The following RAP1GAP2 variants were observed in gnomAD, a reference collection of about 807,000 sequenced individuals.
RAP1GAP2 encodes rap1 GTPase-activating protein 2.
In RAP1GAP2, 27 loss-of-function variants were observed where a neutral mutation model predicts 95.0. The ratio of observed to expected loss-of-function variants is 0.28; its 90% CI spans 0.21 to 0.39. The LOEUF is 0.39. Among genes scored for constraint, RAP1GAP2 ranks in the 10% least tolerant of loss-of-function variants. The pLI is 1.00. For missense variants in RAP1GAP2, 771 were observed against 970.0 expected (o/e 0.79, Z 2.72); for synonymous variants, 373 against 380.9 (o/e 0.98, Z 0.24).
In RAP1GAP2 at chr17:2,985,021, C is replaced by G. The variant is rs753305370; in HGVS notation, c.768C>G (p.Val256=). Residue 256 remains valine, a synonymous_variant, in exon 11 of 25, where the codon GTC becomes GTG. Transcript: ENST00000254695. ...QMIVSYDEHE[V]NNTFKFGVIY... is the part of the protein sequence containing the mutation. ...TTGTGTCCTATGATGAGCATGAAGT[C>G]AACAACACATTCAAATTCGGAGTCA... 6.2e-7 allele frequency: 1 copy of G among 1,613,734 alleles called. No individual in the cohort carries two copies. The highest frequency in any genetic ancestry group is 1.7e-5 in the Admixed American group (1 of 59,950).
chr17:2,806,196 C>T (rs1244974627), intron 2 of RAP1GAP2, among the ~76,000 whole-genome samples: 1 of 152,050 alleles, frequency 6.6e-6, no homozygotes, highest in Admixed American at 6.6e-5. Context: ...TCAGATTTAA[C>T]CAGCTAAGAA....
intron 2 of RAP1GAP2, among the ~76,000 whole-genome samples, chr17:2,858,290 A>G (rs117014936): frequency 0.034 from 5,138 of 152,204 alleles, 122 homozygotes; most frequent in Middle Eastern, 0.048. Context: ...CATTTAGCAA[A>G]TTCTGGCAGG....
chr17:2,781,095 C>G (rs535675577), intron 1 of RAP1GAP2, among the ~76,000 whole-genome samples: 2 of 152,350 alleles, frequency 1.3e-5, no homozygotes, highest in East Asian at 3.9e-4. Context: ...CTGTGCCGAG[C>G]CCCTGGCCCC....
chr17:3,002,547 G>C (rs931440152), intron 14 of RAP1GAP2, among the ~76,000 whole-genome samples: 1 of 152,206 alleles, frequency 6.6e-6, no homozygotes, highest in African/African-American at 2.4e-5. Context: ...AGGGGGCCTG[G>C]GTGAAGCAGG....
Position 3,003,863 on chromosome 17 carries a change from C to T in RAP1GAP2, c.1201-1506C>T, listed in dbSNP as rs532449993. ...ACAATGAGGATGGAAGGTGAACGCA[C>T]GTCGCAAGGAAGGGCCCTGTCCTCC... On this transcript the variant is annotated intron_variant, in intron 14 of 24. Coordinates refer to ENST00000254695, the MANE Select transcript of RAP1GAP2 (RefSeq NM_015085.5). The surrounding 1 kb of genome is among the most constrained non-coding windows in gnomAD (Gnocchi z 4.1). Among the ~76,000 whole-genome samples, 3 of 152,180 alleles carry T rather than the reference C, an allele frequency of 2.0e-5. No individual in the cohort carries two copies. The highest frequency in any genetic ancestry group is 4.8e-5 in the African/African-American group (2 of 41,442).
In RAP1GAP2 at chr17:3,028,643, G is replaced by A. The variant is rs117360549; in HGVS notation, c.2107+1573G>A. ...CCACAGCCAGTGACCCTTTGCATGC[G>A]TGTTTCTCAGTGAGTGGAAGAGTTC... On this transcript the variant is annotated intron_variant, in intron 22 of 24. Coordinates refer to ENST00000254695, the MANE Select transcript of RAP1GAP2 (RefSeq NM_015085.5). 1.6e-3 allele frequency among the ~76,000 whole-genome samples: 245 copies of A among 152,276 alleles called. 4 individuals carry two copies. The highest frequency in any genetic ancestry group is 0.015 in the South Asian group (74 of 4,828).
chr17:3,017,931 GTGTGTGTGTGTGTGTGTA>G (rs2046826110), intron 17 of RAP1GAP2, 112 bp from the exon 18 acceptor site: 1 of 788,296 alleles, frequency 1.3e-6, no homozygotes, highest in South Asian at 1.9e-5. Context: ...GTGTGTGTGT[GTGTGTGTGTGTGTGTGTA>G]TGTGTGCACG....
intron 2 of RAP1GAP2, among the ~76,000 whole-genome samples, chr17:2,823,033 C>T (rs1252608901): frequency 6.6e-6 from 1 of 152,150 alleles, no homozygotes; most frequent in Non-Finnish European, 1.5e-5. Context: ...TGGGGTGAGG[C>T]ACAGCCCTGT....
At chr17:3,013,733 G>A (rs1181797861) in intron 17 of RAP1GAP2, among the ~76,000 whole-genome samples, 1 of 140,778 alleles carries the variant, frequency 7.1e-6, no homozygotes, top group Admixed American at 7.7e-5. Flanking sequence ...ACCTGGACCA[G>A]TTTTTAATAT....
At chr17:2,836,072 T>A (rs1416178265) in intron 2 of RAP1GAP2, among the ~76,000 whole-genome samples, 1 of 152,008 alleles carries the variant, frequency 6.6e-6, no homozygotes, top group Admixed American at 6.6e-5. Context: ...AGGAGGTAGG[T>A]CCAGGGGCTT....
At chr17:2,849,745 G>A (rs1414496106) in intron 2 of RAP1GAP2, among the ~76,000 whole-genome samples, 7 of 152,300 alleles carry the variant, frequency 4.6e-5, no homozygotes, top group South Asian at 2.1e-4. Context: ...CTGGGACGCC[G>A]TGGGGCATAA....
intron 2 of RAP1GAP2, among the ~76,000 whole-genome samples, chr17:2,833,676 C>T (rs1469293852): frequency 5.6e-5 from 7 of 125,316 alleles, no homozygotes; most frequent in South Asian, 2.4e-4. Context: ...GGAGACACAG[C>T]GAGACTCCGT....
chr17:2,970,312 C>G (rs2044812540), intron 8 of RAP1GAP2, among the ~76,000 whole-genome samples: 1 of 150,722 alleles, frequency 6.6e-6, no homozygotes. Context: ...ATAATACGTC[C>G]CTTGTTAATG....
intron 2 of RAP1GAP2, among the ~76,000 whole-genome samples, chr17:2,801,195 C>T (rs1331578596): frequency 1.3e-5 from 2 of 150,686 alleles, no homozygotes; most frequent in African/African-American, 4.9e-5. Flanking sequence ...ATATATTGGG[C>T]TGGGCATGGT....
chr17:2,965,703 G>T lies in RAP1GAP2; in HGVS notation c.596+60G>T. The T allele has an allele frequency of 7.8e-7, 1 of 1,287,666 alleles. No homozygotes were observed. 79.8% of individuals were successfully genotyped at this position (1,287,666 alleles called of 1,614,324 possible). On this transcript the variant is annotated intron_variant, in intron 8 of 24. Coordinates refer to ENST00000254695, the MANE Select transcript of RAP1GAP2 (RefSeq NM_015085.5). This position sits in a 1 kb window ranked among gnomAD's most constrained non-coding sequence, Gnocchi z 4.7. ...TCCAGGCAGGGCTCTCATCGGTGGT[G>T]TGGGGGCTGGGATGGGACTCAGAAA...
intron 2 of RAP1GAP2, among the ~76,000 whole-genome samples, chr17:2,864,857 T>C (rs1055530707): frequency 6.6e-6 from 1 of 152,170 alleles, no homozygotes; most frequent in Admixed American, 6.5e-5. Flanking sequence ...ACAGAAGTTA[T>C]GGGAGGCTGC....
At chr17:2,936,043 C>T (rs988148535) in intron 3 of RAP1GAP2, among the ~76,000 whole-genome samples, 11 of 151,804 alleles carry the variant, frequency 7.2e-5, no homozygotes, top group African/African-American at 1.7e-4. Context: ...GGGAGATGTG[C>T]GCAGACCGCC....
intron 3 of RAP1GAP2, among the ~76,000 whole-genome samples, chr17:2,914,085 A>C (rs555287015): frequency 1.3e-5 from 2 of 151,876 alleles, no homozygotes; most frequent in East Asian, 3.9e-4. Context: ...GTTGGCCAGG[A>C]TGGTCTCGAA....
chr17:2,827,909 G>A lies in RAP1GAP2; in HGVS notation c.80+27359G>A, dbSNP rs554461676. On this transcript the variant is annotated intron_variant, in intron 2 of 24. Transcript: ENST00000254695. The surrounding 1 kb of genome is among the most constrained non-coding windows in gnomAD (Gnocchi z 4.1). ...ACGGTGGGGGCCCAGGGGGAGCGTG[G>A]CAGAGGCTCTCAGGCTGGAGGCCAG... Among the ~76,000 whole-genome samples the A allele has an allele frequency of 7.0e-4, 106 of 152,300 alleles. 2 individuals are homozygous for A. The highest frequency in any genetic ancestry group is 2.4e-3 in the African/African-American group (101 of 41,574).
Sources: allele counts gnomAD v4.1 joint callset (sites outside exome capture counted in the v4.1 genomes callset), GRCh38; gene constraint gnomAD v4.1.1; non-coding constraint Gnocchi (gnomAD v3.1); transcripts MANE v1.5; gene names NCBI Gene and HGNC (gene_info 2026-07-23, HGNC 2026-07-21).